Variants in TMEM163 observed in about 807,000 individuals in gnomAD.
TMEM163 encodes the protein transmembrane protein 163.
TMEM163 carries 17 observed loss-of-function variants against 29.3 expected under a neutral mutation model. The observed-to-expected ratio is 0.58, with a 90% CI of 0.40 to 0.87. The LOEUF is 0.87. Among genes scored for constraint, TMEM163 ranks in the 40% least tolerant of loss-of-function variants. The probability of loss-of-function intolerance (pLI) is 0.00; values close to 1 mark genes in which losing one functional copy is unlikely to be tolerated. For synonymous variants in TMEM163, 157 were observed against 160.6 expected, an observed-to-expected ratio of 0.98 and a Z score of 0.17; for missense variants, 303 against 381.5, an observed-to-expected ratio of 0.79 and a Z score of 1.71.
intron 2 of TMEM163, among the ~76,000 whole-genome samples, chr2:134,586,106 C>T (rs1681816862): frequency 1.3e-5 from 2 of 152,204 alleles, no homozygotes; most frequent in African/African-American, 2.4e-5. Flanking sequence ...AGTCAAGATA[C>T]ATATATGACA....
At chr2:134,610,496 G>A (rs1227167058) in intron 2 of TMEM163, among the ~76,000 whole-genome samples, 1 of 152,188 alleles carries the variant, frequency 6.6e-6, no homozygotes, top group Non-Finnish European at 1.5e-5. Context: ...AGTCCCGGTG[G>A]ATTCCCAAGT....
At chr2:134,458,226 A>G in intron 6 of TMEM163, 53 bp from the exon 7 acceptor site, 1 of 1,605,180 alleles carries the variant, frequency 6.2e-7, no homozygotes. Flanking sequence ...ATCCAAGAAA[A>G]TCACCCAAAT....
At chr2:134,480,543 C>T (rs763096345) in intron 5 of TMEM163, among the ~76,000 whole-genome samples, 1 of 152,208 alleles carries the variant, frequency 6.6e-6, no homozygotes, top group Non-Finnish European at 1.5e-5. Flanking sequence ...CTATCATACT[C>T]AAGAGTGTAG....
chr2:134,550,812 G>T, intron 3 of TMEM163, 151 bp from the exon 4 acceptor site: 1 of 732,782 alleles, frequency 1.4e-6, no homozygotes, highest in Non-Finnish European at 2.3e-6. Context: ...GCCACTTACT[G>T]CCCTCATGCC....
In TMEM163 at chr2:134,538,975, A is replaced by G. The variant is rs147451435; in HGVS notation, c.458+11595T>C. On this transcript the variant is annotated intron_variant, in intron 4 of 7. Transcript: ENST00000281924. ...GAACCGTACTCTTTAATGGGGTGAC[A>G]GTATGCTATGTGATTATATTTTAAT... Among the ~76,000 whole-genome samples, 47 of 152,274 alleles carry G rather than the reference A, an allele frequency of 3.1e-4. 1 individual carries two copies. Among genetic ancestry groups the G allele is most frequent in the African/African-American group, 1.1e-3 (45 of 41,544 alleles).
chr2:134,677,571 T>C (rs148690639), intron 2 of TMEM163, among the ~76,000 whole-genome samples: 7 of 152,300 alleles, frequency 4.6e-5, no homozygotes, highest in African/African-American at 1.7e-4. Context: ...CTCTGAAAAG[T>C]CTTTTTGTAA....
intron 2 of TMEM163, among the ~76,000 whole-genome samples, chr2:134,685,311 A>G (rs1397446398): frequency 6.6e-6 from 1 of 152,232 alleles, no homozygotes; most frequent in East Asian, 1.9e-4. Context: ...CTTGCTTTAT[A>G]TAAGTCATCA....
intron 2 of TMEM163, among the ~76,000 whole-genome samples, chr2:134,570,489 T>TATACACATACAC (rs780030104): frequency 3.7e-5 from 5 of 134,016 alleles, no homozygotes; most frequent in African/African-American, 1.9e-4. Context: ...TACATATACA[T>TATACACATACAC]ATACATATAC....
chr2:134,702,997 T>C (rs974181788), intron 2 of TMEM163, among the ~76,000 whole-genome samples: 1 of 152,184 alleles, frequency 6.6e-6, no homozygotes, highest in Non-Finnish European at 1.5e-5. Flanking sequence ...GAACATTATT[T>C]GTTACTGAGA....
chr2:134,668,412 T>C (rs965159639), intron 2 of TMEM163, among the ~76,000 whole-genome samples: 13 of 152,066 alleles, frequency 8.5e-5, no homozygotes, highest in African/African-American at 3.1e-4. Context: ...TTAACATTCT[T>C]CCAAACACTC....
intron 4 of TMEM163, among the ~76,000 whole-genome samples, chr2:134,535,721 T>C (rs943460753): frequency 8.5e-5 from 11 of 130,048 alleles, no homozygotes; most frequent in African/African-American, 4.3e-4. Context: ...TGTATGGTTT[T>C]TTTTTTTGTT....
chr2:134,629,627 T>TC (rs1322937528), intron 2 of TMEM163, among the ~76,000 whole-genome samples: 1 of 152,152 alleles, frequency 6.6e-6, no homozygotes, highest in Non-Finnish European at 1.5e-5. Context: ...TTATACTACT[T>TC]CCCCCTCTCC....
At chr2:134,707,324 C>T (rs535396018) in intron 2 of TMEM163, among the ~76,000 whole-genome samples, 9 of 152,178 alleles carry the variant, frequency 5.9e-5, no homozygotes, top group African/African-American at 1.4e-4. Flanking sequence ...TAGGCAGGCA[C>T]CACAGCTGGG....
At chr2:134,547,148 C>T (rs982018858) in intron 4 of TMEM163, among the ~76,000 whole-genome samples, 3 of 151,758 alleles carry the variant, frequency 2.0e-5, no homozygotes, top group African/African-American at 7.3e-5. Flanking sequence ...ACTACTGAAC[C>T]GTATACTTAA....
chr2:134,536,603 C>T (rs188391269), intron 4 of TMEM163, among the ~76,000 whole-genome samples: 1 of 152,292 alleles, frequency 6.6e-6, no homozygotes, highest in Non-Finnish European at 1.5e-5. Flanking sequence ...TCTAAACCTC[C>T]ATCTGCCACC....
intron 5 of TMEM163, among the ~76,000 whole-genome samples, chr2:134,482,666 T>G (rs1679218343): frequency 6.6e-6 from 1 of 152,146 alleles, no homozygotes; most frequent in African/African-American, 2.4e-5. Context: ...AACCAGCAGA[T>G]GAGAAAAGCT....
At chr2:134,498,893 C>T (rs571064964) in intron 5 of TMEM163, among the ~76,000 whole-genome samples, 1 of 152,328 alleles carries the variant, frequency 6.6e-6, no homozygotes, top group South Asian at 2.1e-4. Flanking sequence ...GCCCCATGTG[C>T]CAGGGCCAAG....
At chr2:134,715,278 G>A (rs186723715) in intron 1 of TMEM163, among the ~76,000 whole-genome samples, 98 of 152,172 alleles carry the variant, frequency 6.4e-4, no homozygotes, top group African/African-American at 2.2e-3. Flanking sequence ...CCACACATGT[G>A]GACCAATCTA....
chr2:134,658,561 T>C (rs1005691237), intron 2 of TMEM163, among the ~76,000 whole-genome samples: 1 of 151,976 alleles, frequency 6.6e-6, no homozygotes, highest in South Asian at 2.1e-4. Flanking sequence ...TCCAAAACAA[T>C]AGGTAACATA....
Sources: gnomAD v4.1 joint callset for allele counts (sites outside exome capture counted in the v4.1 genomes callset) on GRCh38, gnomAD v4.1.1 for gene constraint, MANE v1.5 for transcripts, NCBI Gene and HGNC (gene_info 2026-07-23, HGNC 2026-07-21) for gene names.